The following PRKCA variants were observed in gnomAD, a reference collection of about 807,000 sequenced individuals.
PRKCA encodes protein kinase C alpha type.
Under a neutral mutation model 87.0 loss-of-function variants are expected in PRKCA, and 27 were observed. The observed-to-expected ratio is 0.31, with a 90% CI of 0.23 to 0.43. The LOEUF is 0.43. PRKCA is among the 20% of genes least tolerant of loss of function. The pLI is 1.00. For synonymous variants in PRKCA, 329 were observed against 311.1 expected, an observed-to-expected ratio of 1.06 and a Z score of -0.61; for missense variants, 518 against 852.3, an observed-to-expected ratio of 0.61 and a Z score of 4.88.
chr17:66,605,653 A>T (rs1298409188), intron 3 of PRKCA, among the ~76,000 whole-genome samples: 1 of 152,270 alleles, frequency 6.6e-6, no homozygotes, highest in Non-Finnish European at 1.5e-5. Flanking sequence ...AAGAAGGGTC[A>T]TAGCAGCATC....
intron 3 of PRKCA, among the ~76,000 whole-genome samples, chr17:66,632,703 A>G (rs931955475): frequency 1.3e-4 from 20 of 152,202 alleles, no homozygotes; most frequent in African/African-American, 4.6e-4. Context: ...TTTTCATTAG[A>G]CAATATATCT....
At chr17:66,735,946 G>C (rs1286119469) in intron 10 of PRKCA, among the ~76,000 whole-genome samples, 1 of 132,772 alleles carries the variant, frequency 7.5e-6, no homozygotes, top group African/African-American at 2.8e-5. Context: ...TTTGAGACAG[G>C]ATCTCACTCT....
intron 16 of PRKCA, among the ~76,000 whole-genome samples, chr17:66,800,915 T>C (rs1975885634): frequency 6.6e-6 from 1 of 152,204 alleles, no homozygotes. Context: ...GGTTAGTGAG[T>C]ATCAAGAGAA....
At chr17:66,716,400 C>G (rs1187210751) in intron 8 of PRKCA, among the ~76,000 whole-genome samples, 3 of 152,146 alleles carry the variant, frequency 2.0e-5, no homozygotes, top group Non-Finnish European at 2.9e-5. Flanking sequence ...GCAGTGCGCA[C>G]TGGGCCTTCC....
chr17:66,476,472 C>T (rs1346669062), intron 2 of PRKCA, among the ~76,000 whole-genome samples: 3 of 152,182 alleles, frequency 2.0e-5, no homozygotes, highest in Non-Finnish European at 4.4e-5. Context: ...CCAGCCAAGG[C>T]CCTGTCTGGT....
intron 5 of PRKCA, among the ~76,000 whole-genome samples, chr17:66,671,907 A>G (rs1972197571): frequency 6.6e-6 from 1 of 152,252 alleles, no homozygotes; most frequent in Non-Finnish European, 1.5e-5. Context: ...CCAATGGGAA[A>G]GATAGGGCTT....
chr17:66,538,511 C>G (rs190942447), intron 3 of PRKCA, among the ~76,000 whole-genome samples: 1 of 152,150 alleles, frequency 6.6e-6, no homozygotes, highest in Non-Finnish European at 1.5e-5. Context: ...CAGCAAACTT[C>G]GAGAAGTGTC....
At chr17:66,441,021 G>A (rs71379973) in intron 2 of PRKCA, among the ~76,000 whole-genome samples, 2,492 of 151,914 alleles carry the variant, frequency 0.016, 23 homozygotes, top group Middle Eastern at 0.031. Flanking sequence ...AATTAGCCGG[G>A]CGTGGTAGCA....
chr17:66,502,306 C>T (rs1379134854), intron 3 of PRKCA, among the ~76,000 whole-genome samples: 1 of 151,632 alleles, frequency 6.6e-6, no homozygotes, highest in East Asian at 1.9e-4. Context: ...GCGATCTTGG[C>T]TCACTGCAGC....
At chr17:66,742,178 C>T (rs1254854294) in intron 12 of PRKCA, among the ~76,000 whole-genome samples, 2 of 152,186 alleles carry the variant, frequency 1.3e-5, no homozygotes, top group African/African-American at 4.8e-5. Context: ...TTAATTGAAG[C>T]ATAATTAGAA....
At chr17:66,573,438 G>A (rs1969137150) in intron 3 of PRKCA, among the ~76,000 whole-genome samples, 1 of 152,052 alleles carries the variant, frequency 6.6e-6, no homozygotes, top group African/African-American at 2.4e-5. Context: ...GGAATACATG[G>A]GTCATTAATA....
intron 3 of PRKCA, among the ~76,000 whole-genome samples, chr17:66,552,483 G>C (rs566078351): frequency 1.3e-5 from 2 of 152,286 alleles, no homozygotes; most frequent in South Asian, 2.1e-4. Context: ...GGCTCGACTG[G>C]GGAAGGATCT....
chr17:66,630,215 G>A (rs894583529), intron 3 of PRKCA, among the ~76,000 whole-genome samples: 1 of 151,828 alleles, frequency 6.6e-6, no homozygotes, highest in Non-Finnish European at 1.5e-5. Flanking sequence ...ATGACAATAG[G>A]AAAAAGAAAA....
At chr17:66,500,939 A>G (rs923711360) in intron 3 of PRKCA, among the ~76,000 whole-genome samples, 49 of 151,778 alleles carry the variant, frequency 3.2e-4, no homozygotes, top group Middle Eastern at 3.4e-3. Flanking sequence ...CCCCTGAAAA[A>G]TTTAAAAATT....
chr17:66,383,085 T>A (rs1909860812), intron 2 of PRKCA, among the ~76,000 whole-genome samples: 1 of 126,210 alleles, frequency 7.9e-6, no homozygotes, highest in Non-Finnish European at 1.7e-5. Flanking sequence ...ATTTTCAAAA[T>A]TTTTAAAATT....
chr17:66,674,905 C>T (rs1302669110), intron 5 of PRKCA, among the ~76,000 whole-genome samples: 1 of 152,182 alleles, frequency 6.6e-6, no homozygotes, highest in Non-Finnish European at 1.5e-5. Context: ...CTCCTTATGC[C>T]ATGGAGGGCC....
intron 3 of PRKCA, among the ~76,000 whole-genome samples, chr17:66,537,294 A>G (rs1967823063): frequency 6.6e-6 from 1 of 152,188 alleles, no homozygotes; most frequent in Non-Finnish European, 1.5e-5. Context: ...ACAGATGTCA[A>G]GTGGAAGCTT....
chr17:66,415,378 C>G (rs528916238), intron 2 of PRKCA: 1 of 152,152 alleles, frequency 6.6e-6, no homozygotes, highest in East Asian at 1.9e-4. Flanking sequence ...AGTGAATGTC[C>G]TTTGTAATTT....
At chr17:66,363,643 C>T (rs1908525367) in intron 2 of PRKCA, among the ~76,000 whole-genome samples, 1 of 152,232 alleles carries the variant, frequency 6.6e-6, no homozygotes, top group Admixed American at 6.5e-5. Flanking sequence ...ATGTGCTCTG[C>T]ACTGTGCTAG....
Sources: gnomAD v4.1 joint callset for allele counts (sites outside exome capture counted in the v4.1 genomes callset) on GRCh38, gnomAD v4.1.1 for gene constraint, MANE v1.5 for transcripts, NCBI Gene and HGNC (gene_info 2026-07-23, HGNC 2026-07-21) for gene names.